Variants in DIS3L observed in about 807,000 individuals in gnomAD.
The protein encoded by DIS3L is DIS3-like exonuclease 1.
Under a neutral mutation model 120.3 loss-of-function variants are expected in DIS3L, and 100 were observed. That is an observed-to-expected ratio of 0.83 (90% CI 0.71 to 0.98). The LOEUF (loss-of-function observed/expected upper bound fraction) is 0.98, where lower values mean the gene tolerates loss of function less well. Among genes scored for constraint, DIS3L ranks in the 50% least tolerant of loss-of-function variants. DIS3L has a pLI of 0.00. For missense variants in DIS3L, 1,196 were observed against 1,314.2 expected (o/e 0.91, Z 1.39); for synonymous variants, 426 against 470.6 (o/e 0.91, Z 1.23).
intron 15 of DIS3L, among the ~76,000 whole-genome samples, chr15:66,332,485 A>AGTGT (rs778480622): frequency 0.099 from 10,788 of 109,414 alleles, 758 homozygotes; most frequent in African/African-American, 0.2. Flanking sequence ...TGAAGACTGG[A>AGTGT]GTGTGTGTGT....
intron 8 of DIS3L, 36 bp from the exon 9 acceptor site, chr15:66,320,535 G>A: frequency 1.3e-6 from 2 of 1,586,168 alleles, no homozygotes; most frequent in Non-Finnish European, 1.7e-6. Context: ...TTAACTCCTG[G>A]TGCTCAGCTG....
chr15:66,293,645 C>T lies in DIS3L; in HGVS notation c.49C>T (p.Arg17Cys). 6.9e-7 allele frequency: 1 copy of T among 1,439,576 alleles called. No homozygotes were observed. The allele number at this position is 1,439,576 out of a possible 1,614,324, so 89.2% of individuals were successfully genotyped here. ...KVLLLRTFQGRTLRIVREHYL... is the reference protein window; with the variant it reads ...KVLLLRTFQGCTLRIVREHYL... ...GCTGCTGCTGAGGACCTTCCAGGGC[C>T]GCACGCTGCGGATCGTGCGCGAGCA... is the stretch of plus-strand genomic sequence containing the variant. The change falls in exon 1 of 17, where the codon CGC becomes TGC. Residue 17 changes from arginine (R) to cysteine (C), a missense_variant. By Grantham distance (180) the Arg-to-Cys change is radical. Transcript: ENST00000319212.
At chr15:66,316,967 A>G (rs1341212899) in intron 7 of DIS3L, among the ~76,000 whole-genome samples, 1 of 152,066 alleles carries the variant, frequency 6.6e-6, no homozygotes, top group Non-Finnish European at 1.5e-5. Context: ...ACCTTCTGCC[A>G]TTTTCCTCTT....
rs768551036 is a variant in DIS3L at position 66,332,836 on chromosome 15, C to G, written c.2782C>G (p.Arg928Gly). Reference protein sequence around the residue: ...CSEWKPGSLQRFQNKITSTTT... With the variant: ...CSEWKPGSLQGFQNKITSTTT... ...TGAATGGAAACCAGGATCCCTTCAA[C>G]GATTTCAAAACAAAATTACCTCTAC... The change falls in exon 16 of 17, where the codon CGA becomes GGA. Residue 928 changes from arginine (R) to glycine (G), a missense_variant. By Grantham distance (125) the Arg-to-Gly change is moderately radical. Transcript: ENST00000319212. 6.2e-7 allele frequency: 1 copy of G among 1,613,796 alleles called. No individual in the cohort carries two copies. Among genetic ancestry groups the G allele is most frequent in the African/African-American group, 1.3e-5 (1 of 74,868 alleles).
intron 4 of DIS3L, among the ~76,000 whole-genome samples, chr15:66,309,836 G>T (rs2092742847): frequency 6.6e-6 from 1 of 152,166 alleles, no homozygotes; most frequent in Admixed American, 6.5e-5. Context: ...GTTCATAGGG[G>T]TTAATAGGGA....
chr15:66,331,820 T>A, intron 14 of DIS3L, 55 bp from the exon 15 acceptor site: 1 of 1,435,202 alleles, frequency 7.0e-7, no homozygotes, highest in Non-Finnish European at 9.2e-7. Context: ...GAATTTCGTT[T>A]CTTTGGGGAA....
At position 66,329,143 on chromosome 15, in the gene DIS3L, C is replaced by A; in HGVS notation, c.2356+19C>A. Reference sequence around the variant, plus strand: ...CATTACGGTGAATCATACCATATTCCTATGTGTGGCTGTAACTTTGCGCTA... The same window carrying A: ...CATTACGGTGAATCATACCATATTCATATGTGTGGCTGTAACTTTGCGCTA... On this transcript the variant is annotated intron_variant, in intron 13 of 16. Transcript: ENST00000319212. 1 of 1,599,862 alleles carries A rather than the reference C, an allele frequency of 6.3e-7. No homozygotes were observed. Among genetic ancestry groups the A allele is most frequent in the Non-Finnish European group, 8.5e-7 (1 of 1,173,716 alleles).
chr15:66,316,266 T>A (rs2092815733), intron 7 of DIS3L, among the ~76,000 whole-genome samples: 1 of 151,776 alleles, frequency 6.6e-6, no homozygotes, highest in Non-Finnish European at 1.5e-5. Context: ...AAGGGCAAAT[T>A]CATTCTTGGT....
At chr15:66,330,643 T>C in intron 14 of DIS3L, 1 of 606,574 alleles carries the variant, frequency 1.6e-6, no homozygotes, top group South Asian at 7.3e-5. Flanking sequence ...ACTGGCCACA[T>C]TGTATAGCTC....
At chr15:66,299,545 C>CAAA (rs34499239) in intron 2 of DIS3L, among the ~76,000 whole-genome samples, 2 of 88,068 alleles carry the variant, frequency 2.3e-5, no homozygotes, top group Admixed American at 2.3e-4. Context: ...AACTCCATCT[C>CAAA]AAAAAAAAAA....
chr15:66,298,922 C>T lies in DIS3L; in HGVS notation c.293+3781C>T, dbSNP rs564594540. 5.9e-5 allele frequency among the ~76,000 whole-genome samples: 9 copies of T among 152,264 alleles called. No homozygotes were observed. The South Asian group carries it at 1.2e-3, about 21-fold the overall frequency. ...TCCTGGCAGGGTGACAGGCAGTAAT[C>T]GGGCAATTACACAAACAGATGCAGA... is the stretch of plus-strand genomic sequence containing the variant. On this transcript the variant is annotated intron_variant, in intron 2 of 16. Transcript: ENST00000319212.
intron 7 of DIS3L, among the ~76,000 whole-genome samples, chr15:66,317,038 C>T (rs1263059264): frequency 6.6e-6 from 1 of 152,120 alleles, no homozygotes; most frequent in Non-Finnish European, 1.5e-5. Flanking sequence ...GAAGCTTTCC[C>T]CAAATATCCT....
rs760325502 is a variant in DIS3L at position 66,329,402 on chromosome 15, AAG to A, written c.2535+6_2535+7del. On this transcript the variant is annotated splice_donor_5th_base_variant and intron_variant, in intron 14 of 16. Transcript: ENST00000319212. ...GACATATCAACAACAGAAACCAAGT[AAG>A]AGGGAATTTCAAAATTCTCTTACCT... 41 of 1,599,140 alleles carry A rather than the reference AAG, an allele frequency of 2.6e-5. No individual in the cohort carries two copies. In the East Asian group the frequency reaches 2.7e-4, roughly 10 times the overall value.
chr15:66,311,717 A>G lies in DIS3L; in HGVS notation c.559-7A>G. The G allele has an allele frequency of 6.2e-7, 1 of 1,613,780 alleles. No individual in the cohort carries two copies. Among genetic ancestry groups the G allele is most frequent in the Non-Finnish European group, 8.5e-7 (1 of 1,179,914 alleles). On this transcript the variant is annotated splice_polypyrimidine_tract_variant and splice_region_variant and intron_variant, in intron 4 of 16. Transcript: ENST00000319212. The stretch of plus-strand genomic sequence containing the variant: ...ACCGTGTTTCTCTGTGCCTTTATTA[A>G]ATACAGAATTACCTGGACAATTTCT...
intron 14 of DIS3L, among the ~76,000 whole-genome samples, chr15:66,331,116 T>C (rs2092994152): frequency 1.3e-5 from 2 of 151,324 alleles, no homozygotes; most frequent in South Asian, 2.1e-4. Context: ...GATCGCGCCA[T>C]TGCACTCCAG....
intron 7 of DIS3L, among the ~76,000 whole-genome samples, chr15:66,315,716 C>G (rs767131394): frequency 6.6e-6 from 1 of 152,166 alleles, no homozygotes; most frequent in African/African-American, 2.4e-5. Flanking sequence ...AGCTGCTGCC[C>G]CTTATCATTA....
chr15:66,317,650 A>AAG (rs1234525255), intron 7 of DIS3L, among the ~76,000 whole-genome samples: 2 of 152,112 alleles, frequency 1.3e-5, no homozygotes, highest in African/African-American at 4.8e-5. Flanking sequence ...TTATCTCAGG[A>AAG]AGAGAGAGCA....
intron 2 of DIS3L, among the ~76,000 whole-genome samples, chr15:66,300,343 G>C (rs1757799430): frequency 6.6e-6 from 1 of 152,196 alleles, no homozygotes; most frequent in African/African-American, 2.4e-5. Context: ...TCCAGAACAG[G>C]TATATCAATA....
At chr15:66,305,620 G>A (rs2092695967) in intron 2 of DIS3L, among the ~76,000 whole-genome samples, 1 of 152,042 alleles carries the variant, frequency 6.6e-6, no homozygotes, top group Non-Finnish European at 1.5e-5. Context: ...AGACTCCTGG[G>A]CTTAAAGGAC....
Sources: allele counts gnomAD v4.1 joint callset (sites outside exome capture counted in the v4.1 genomes callset), GRCh38; gene constraint gnomAD v4.1.1; transcripts MANE v1.5; gene names NCBI Gene and HGNC (gene_info 2026-07-23, HGNC 2026-07-21).